Variants in FXR1 observed in about 807,000 individuals in gnomAD.
FXR1 encodes RNA-binding protein FXR1.
A neutral mutation model predicts 84.0 loss-of-function variants in FXR1; 15 were observed. That is an observed-to-expected ratio of 0.18 (90% CI 0.12 to 0.27). The LOEUF is 0.27. FXR1 is among the 10% of genes least tolerant of loss of function. The pLI, the probability that FXR1 is intolerant of heterozygous loss-of-function variation, is 1.00. For missense variants in FXR1, 480 were observed against 774.4 expected (o/e 0.62, Z 4.51); for synonymous variants, 245 against 250.7 (o/e 0.98, Z 0.21).
chr3:180,945,780 G>T (rs1721633127), intron 3 of FXR1, among the ~76,000 whole-genome samples: 1 of 152,202 alleles, frequency 6.6e-6, no homozygotes, highest in Non-Finnish European at 1.5e-5. Flanking sequence ...CTGGGTTCTT[G>T]TTGGAGGATT....
chr3:180,929,385 G>A (rs1394224257), intron 1 of FXR1, among the ~76,000 whole-genome samples: 1 of 152,134 alleles, frequency 6.6e-6, no homozygotes, highest in South Asian at 2.1e-4. Context: ...TTAAATTATA[G>A]TTAAGAGTTT....
chr3:180,949,076 A>C, intron 6 of FXR1, 151 bp from the exon 7 acceptor site: 1 of 676,472 alleles, frequency 1.5e-6, no homozygotes, highest in Non-Finnish European at 2.7e-6. Flanking sequence ...GAATTCAGAA[A>C]GGAAAGTGTG....
chr3:180,915,974 C>A (rs1304379823), intron 1 of FXR1, among the ~76,000 whole-genome samples: 1 of 152,166 alleles, frequency 6.6e-6, no homozygotes. Context: ...TGTGCATGTT[C>A]GTAGCCCTAT....
chr3:180,950,229 TAA>T (rs1448195329), intron 7 of FXR1, among the ~76,000 whole-genome samples: 1 of 152,210 alleles, frequency 6.6e-6, no homozygotes, highest in African/African-American at 2.4e-5. Context: ...TCAGAGAAAT[TAA>T]GATATGTTTA....
intron 2 of FXR1, among the ~76,000 whole-genome samples, chr3:180,933,626 A>G (rs568692464): frequency 6.6e-6 from 1 of 152,316 alleles, no homozygotes; most frequent in South Asian, 2.1e-4. Context: ...GTTTTGCAGA[A>G]ATAGATGGCA....
intron 15 of FXR1, 85 bp from the exon 16 acceptor site, chr3:180,975,228 T>G (rs1403589169): frequency 1.7e-5 from 9 of 544,930 alleles, no homozygotes; most frequent in Non-Finnish European, 2.6e-5. Flanking sequence ...CCACCACTAG[T>G]TTAATAGTGA....
intron 1 of FXR1, among the ~76,000 whole-genome samples, chr3:180,923,362 T>G (rs1718800609): frequency 6.6e-6 from 1 of 152,162 alleles, no homozygotes. Context: ...GGGAACATTG[T>G]GATTTGCTTT....
intron 1 of FXR1, among the ~76,000 whole-genome samples, chr3:180,918,560 T>C (rs1365720730): frequency 6.6e-6 from 1 of 152,178 alleles, no homozygotes; most frequent in Non-Finnish European, 1.5e-5. Flanking sequence ...GTGTTTAAGG[T>C]TGTCAAATTA....
At chr3:180,951,042 G>A (rs1157361977) in intron 7 of FXR1, among the ~76,000 whole-genome samples, 1 of 151,556 alleles carries the variant, frequency 6.6e-6, no homozygotes, top group Non-Finnish European at 1.5e-5. Flanking sequence ...GTGAGAGCTC[G>A]TCTCTACAAA....
chr3:180,963,526 A>C (rs774800720), intron 13 of FXR1, among the ~76,000 whole-genome samples: 82 of 152,310 alleles, frequency 5.4e-4, no homozygotes, highest in Non-Finnish European at 9.3e-4. Flanking sequence ...AAGATTGCAT[A>C]TAGCAAGTCT....
At chr3:180,951,194 G>C in intron 7 of FXR1, 104 bp from the exon 8 acceptor site, 1 of 670,044 alleles carries the variant, frequency 1.5e-6, no homozygotes, top group Admixed American at 2.5e-5. Flanking sequence ...CTGCACCCTA[G>C]CCTTGGTGAC....
At chr3:180,942,255 G>A (rs1192499132) in intron 3 of FXR1, among the ~76,000 whole-genome samples, 3 of 151,938 alleles carry the variant, frequency 2.0e-5, no homozygotes, top group African/African-American at 7.3e-5. Context: ...GCGGGTGCCT[G>A]TAGTCCCAGC....
intron 10 of FXR1, among the ~76,000 whole-genome samples, chr3:180,959,545 G>A (rs917346814): frequency 5.3e-5 from 8 of 152,022 alleles, no homozygotes; most frequent in Non-Finnish European, 7.4e-5. Context: ...CTATTTCTTA[G>A]TCAATTTTTA....
At position 180,912,851 on chromosome 3, in the gene FXR1, T is replaced by C. The variant is rs550511881; in HGVS notation, c.51+115T>C. On this transcript the variant is annotated intron_variant, in intron 1 of 16. Coordinates refer to ENST00000357559, the MANE Select transcript of FXR1 (RefSeq NM_005087.4). ...GTCGGAAAGGCAGCCAGGCCAAAGC[T>C]CGAGGCCGCTGGATTCCTTGCTTCT... The C allele has an allele frequency of 3.2e-5, 51 of 1,581,470 alleles. No homozygotes were observed. In the Admixed American group the frequency reaches 8.5e-4, roughly 26 times the overall value.
rs1331645145 is a variant in FXR1 at position 180,951,592 on chromosome 3, C to T, written c.801+124C>T. 8.8e-6 allele frequency: 6 copies of T among 680,682 alleles called. No individual in the cohort carries two copies. The Admixed American group carries it at 1.8e-4, about 20-fold the overall frequency. The allele number at this position is 680,682 out of a possible 1,614,324, so 42.2% of individuals were successfully genotyped here. A position where few individuals can be genotyped will look rare whatever the true frequency, so the allele number is the denominator to read the frequency against. On this transcript the variant is annotated intron_variant, in intron 8 of 16. Coordinates refer to ENST00000357559, the MANE Select transcript of FXR1 (RefSeq NM_005087.4). ...GAGGTAGAATTTATTCAATTAGCAT[C>T]AGTCAGCCTAGTAGTCTTACTTATG...
chr3:180,919,930 T>TGCTGGAG (rs1718375462), intron 1 of FXR1, among the ~76,000 whole-genome samples: 1 of 152,170 alleles, frequency 6.6e-6, no homozygotes, highest in Non-Finnish European at 1.5e-5. Flanking sequence ...CCTCCCAAAG[T>TGCTGGAG]GCTGGGATTA....
chr3:180,958,913 G>T (rs531264037), intron 10 of FXR1, among the ~76,000 whole-genome samples: 3 of 150,932 alleles, frequency 2.0e-5, no homozygotes, highest in East Asian at 2.0e-4. Context: ...ATTCAAGCGA[G>T]TCTCCTGCCT....
rs1577018622 is a variant in FXR1 at position 180,978,808 on chromosome 3, C to T, written c.*2516C>T. ...ACACCTGAACGGAATCATGAAGTAA[C>T]AGCTGAGATTATATGGTGGCAAAAA... On this transcript the variant is annotated 3_prime_UTR_variant, in exon 17 of 17. Transcript: ENST00000357559. 1 of 152,048 alleles carries T rather than the reference C, an allele frequency of 6.6e-6. No homozygotes were observed. Among genetic ancestry groups the T allele is most frequent in the Admixed American group, 6.6e-5 (1 of 15,252 alleles). 9.4% of individuals were successfully genotyped at this position (152,048 alleles called of 1,614,324 possible).
At chr3:180,952,626 C>CT (rs1722342138) in intron 8 of FXR1, among the ~76,000 whole-genome samples, 2 of 151,398 alleles carry the variant, frequency 1.3e-5, no homozygotes, top group South Asian at 4.2e-4. Context: ...TTGGAATTCA[C>CT]TTTAAGTAGG....
Sources: gnomAD v4.1 joint callset for allele counts (sites outside exome capture counted in the v4.1 genomes callset) on GRCh38, gnomAD v4.1.1 for gene constraint, MANE v1.5 for transcripts, NCBI Gene and HGNC (gene_info 2026-07-23, HGNC 2026-07-21) for gene names.